RAB6A: variants seen among roughly 807,000 people sequenced by gnomAD.
RAB6A encodes the protein RAB6A, member RAS oncogene family, also known as ras-related protein Rab-6A.
In RAB6A, 8 loss-of-function variants were observed where a neutral mutation model predicts 32.3. The ratio of observed to expected loss-of-function variants is 0.25; its 90% CI spans 0.15 to 0.45. The LOEUF (loss-of-function observed/expected upper bound fraction) is 0.45. Among genes scored for constraint, RAB6A ranks in the 20% least tolerant of loss-of-function variants. The probability of loss-of-function intolerance (pLI) is 1.00; values close to 1 mark genes in which losing one functional copy is unlikely to be tolerated. For synonymous variants in RAB6A, 73 were observed against 82.1 expected (o/e 0.89, Z 0.60); for missense variants, 104 against 249.4 (o/e 0.42, Z 3.93).
At chr11:73,717,458 A>T (rs936429703) in intron 4 of RAB6A, among the ~76,000 whole-genome samples, 1 of 152,170 alleles carries the variant, frequency 6.6e-6, no homozygotes, top group African/African-American at 2.4e-5. Flanking sequence ...TTGTTGTTGT[A>T]GTTGAGACAG....
intron 5 of RAB6A, among the ~76,000 whole-genome samples, chr11:73,709,747 G>C (rs1480907002): frequency 6.7e-6 from 1 of 148,962 alleles, no homozygotes; most frequent in African/African-American, 2.5e-5. Flanking sequence ...ATTCCTCCTG[G>C]TTTAAATCTT....
In RAB6A at chr11:73,707,513, C is replaced by T. The variant is rs753607738; in HGVS notation, c.402G>A (p.Arg134=). 2 of 1,604,806 alleles carry T rather than the reference C, an allele frequency of 1.2e-6. No homozygotes were observed. The highest frequency in any genetic ancestry group is 1.7e-5 in the Admixed American group (1 of 59,814). The change falls in exon 6 of 8, where the codon AGG becomes AGA. Residue 134 remains arginine (R), a splice_region_variant and synonymous_variant. Coordinates refer to ENST00000336083, the MANE Select transcript of RAB6A (RefSeq NM_198896.2). ...VGNKTDLADK[R]QVSIEEGERK... is the part of the protein sequence containing the mutation. ...TCTCTCCCTCCTCAATTGACACTTG[C>T]CTGTAAAGAAACAAACAAACTTCTT...
intron 7 of RAB6A, among the ~76,000 whole-genome samples, chr11:73,678,672 G>T (rs558362290): frequency 2.7e-5 from 4 of 150,596 alleles, no homozygotes; most frequent in South Asian, 4.2e-4. Flanking sequence ...AACATTTTTT[G>T]TTGTTGTTGT....
intron 5 of RAB6A, among the ~76,000 whole-genome samples, chr11:73,714,934 C>T (rs965379950): frequency 6.6e-6 from 1 of 152,066 alleles, no homozygotes; most frequent in Non-Finnish European, 1.5e-5. Flanking sequence ...CCACTGCATT[C>T]CAGCCTGGGC....
chr11:73,733,142 T>C (rs1349352423), intron 1 of RAB6A, among the ~76,000 whole-genome samples: 2 of 152,158 alleles, frequency 1.3e-5, no homozygotes, highest in African/African-American at 2.4e-5. Context: ...TCTGGAAACT[T>C]GTCTTGGTTG....
intron 6 of RAB6A, among the ~76,000 whole-genome samples, chr11:73,692,878 G>A (rs993144772): frequency 4.0e-5 from 6 of 151,410 alleles, no homozygotes; most frequent in African/African-American, 1.2e-4. Context: ...GGAGAATGGC[G>A]TGAACCCAGG....
At chr11:73,700,174 C>T (rs1157566130) in intron 6 of RAB6A, among the ~76,000 whole-genome samples, 2 of 152,194 alleles carry the variant, frequency 1.3e-5, no homozygotes, top group Non-Finnish European at 2.9e-5. Flanking sequence ...CTTATTGCTT[C>T]ACTAAAAGAA....
intron 5 of RAB6A, among the ~76,000 whole-genome samples, chr11:73,709,191 A>G (rs939589374): frequency 5.3e-5 from 8 of 152,012 alleles, no homozygotes; most frequent in Non-Finnish European, 1.0e-4. Flanking sequence ...TCATACCATC[A>G]TTGAATCTAT....
chr11:73,761,047 G>A lies in RAB6A; in HGVS notation c.-412C>T, dbSNP rs538584152. The A allele has an allele frequency of 1.7e-3, 267 of 160,024 alleles. No homozygotes were observed. Among genetic ancestry groups the A allele is most frequent in the Non-Finnish European group, 2.0e-3 (141 of 72,242 alleles). 9.9% of individuals were successfully genotyped at this position (160,024 alleles called of 1,614,324 possible). On this transcript the variant is annotated 5_prime_UTR_variant, in exon 1 of 8. Transcript: ENST00000336083. ...CAGCGCCTGAGCTTCCACAGCTGCC[G>A]CCGCCGCCGCAGCCCAACCTGCTGA...
chr11:73,752,765 C>T (rs1170419382), intron 1 of RAB6A, among the ~76,000 whole-genome samples: 1 of 151,078 alleles, frequency 6.6e-6, no homozygotes, highest in Admixed American at 6.6e-5. Flanking sequence ...TTGCGGTGAG[C>T]TGAGATTGCA....
intron 1 of RAB6A, among the ~76,000 whole-genome samples, chr11:73,756,275 G>A (rs1946749207): frequency 6.6e-6 from 1 of 152,118 alleles, no homozygotes; most frequent in African/African-American, 2.4e-5. Context: ...GATCACTTGA[G>A]CCTGGGAGGT....
intron 1 of RAB6A, among the ~76,000 whole-genome samples, chr11:73,753,951 G>C (rs868396633): frequency 1.2e-4 from 18 of 152,166 alleles, no homozygotes; most frequent in African/African-American, 3.9e-4. Flanking sequence ...TTTCAATAAA[G>C]ATTTGTTAAA....
At chr11:73,754,785 C>T (rs925493159) in intron 1 of RAB6A, among the ~76,000 whole-genome samples, 18 of 151,662 alleles carry the variant, frequency 1.2e-4, no homozygotes, top group African/African-American at 3.9e-4. Context: ...CCAGGCATGG[C>T]GGCATGTACC....
At position 73,728,928 on chromosome 11, in the gene RAB6A, G is replaced by C. The variant is rs568147709; in HGVS notation, c.129+1837C>G. On this transcript the variant is annotated intron_variant, in intron 2 of 7. Transcript: ENST00000336083. Reference sequence around the variant, plus strand: ...TATCTGATGCTGGGATTTTCTATGTGGGCAGTTTTTTTTATTACTAATTCT... The same window carrying C: ...TATCTGATGCTGGGATTTTCTATGTCGGCAGTTTTTTTTATTACTAATTCT... Among the ~76,000 whole-genome samples the C allele has an allele frequency of 2.6e-5, 4 of 151,914 alleles. No individual in the cohort carries two copies. In the East Asian group the frequency reaches 7.7e-4, roughly 29 times the overall value.
At chr11:73,727,977 T>C (rs1946247480) in intron 2 of RAB6A, among the ~76,000 whole-genome samples, 1 of 152,350 alleles carries the variant, frequency 6.6e-6, no homozygotes, top group East Asian at 1.9e-4. Flanking sequence ...TTTTCTTTTT[T>C]TAACTTAAAA....
intron 1 of RAB6A, among the ~76,000 whole-genome samples, chr11:73,758,647 T>C (rs565578126): frequency 1.3e-5 from 2 of 149,546 alleles, no homozygotes; most frequent in African/African-American, 4.8e-5. Flanking sequence ...TGAAGATACT[T>C]AGGAAGTTAA....
intron 6 of RAB6A, among the ~76,000 whole-genome samples, chr11:73,682,874 A>G (rs1292075464): frequency 6.6e-6 from 1 of 152,158 alleles, no homozygotes; most frequent in East Asian, 1.9e-4. Context: ...AAGGTTAGGC[A>G]ATCCTGATCT....
chr11:73,720,630 C>A lies in RAB6A; in HGVS notation c.183+216G>T, dbSNP rs73546602. Among the ~76,000 whole-genome samples the A allele has an allele frequency of 3.7e-3, 571 of 152,300 alleles. 4 individuals are homozygous for A. The highest frequency in any genetic ancestry group is 0.013 in the African/African-American group (543 of 41,558). ...GGTTTAATTTCTTCATAAAAATTCT[C>A]CTTTAATTCTCTGTAAAGCTCTTTG... On this transcript the variant is annotated intron_variant, in intron 3 of 7. Transcript: ENST00000336083.
chr11:73,684,115 C>T (rs949442659), intron 6 of RAB6A, among the ~76,000 whole-genome samples: 8 of 151,660 alleles, frequency 5.3e-5, no homozygotes, highest in African/African-American at 1.9e-4. Flanking sequence ...ATCAGATGAT[C>T]ATTAGCATTT....
Sources: gnomAD v4.1 joint callset for allele counts (sites outside exome capture counted in the v4.1 genomes callset) on GRCh38, gnomAD v4.1.1 for gene constraint, MANE v1.5 for transcripts, NCBI Gene and HGNC (gene_info 2026-07-23, HGNC 2026-07-21) for gene names.